The following VWA8 variants were observed in gnomAD, a reference collection of about 807,000 sequenced individuals.
The protein encoded by VWA8 is von Willebrand factor A domain containing 8.
A neutral mutation model predicts 241.5 loss-of-function variants in VWA8; 221 were observed. The observed-to-expected ratio is 0.91, with a 90% confidence interval of 0.82 to 1.02. The LOEUF (loss-of-function observed/expected upper bound fraction) is 1.02, where lower values mean the gene tolerates loss of function less well. Ranked by LOEUF, VWA8 falls within the 50% of genes least tolerant of loss-of-function variation. The pLI is 0.00. For missense variants in VWA8, 2,322 were observed against 2,328.7 expected (o/e 1.00, Z 0.06); for synonymous variants, 852 against 827.1 (o/e 1.03, Z -0.52).
chr13:41,639,806 C>A (rs2044783808), intron 37 of VWA8, among the ~76,000 whole-genome samples: 1 of 151,976 alleles, frequency 6.6e-6, no homozygotes, highest in Admixed American at 6.6e-5. Context: ...CAAAAAACTA[C>A]CTATTGGGTA....
At position 41,691,494 on chromosome 13, in the gene VWA8, T is replaced by C. The variant is rs746987623; in HGVS notation, c.3741-49A>G. ...TGAAAGGAAATGGTGAGGATAATGG[T>C]TGAGTAATCTGGCATAATCATTTCA... is the stretch of plus-strand genomic sequence containing the variant. On this transcript the variant is annotated intron_variant, in intron 31 of 44. Transcript: ENST00000379310. 1.9e-6 allele frequency: 3 copies of C among 1,596,952 alleles called. No individual in the cohort carries two copies. In the South Asian group the frequency reaches 3.4e-5, roughly 18 times the overall value.
At chr13:41,662,827 T>G (rs546313444) in intron 37 of VWA8, among the ~76,000 whole-genome samples, 42 of 152,246 alleles carry the variant, frequency 2.8e-4, no homozygotes, top group African/African-American at 1.0e-3. Flanking sequence ...AGGGAAAGCG[T>G]TCAGTCTCTT....
rs528644105 is a variant in VWA8, at chr13:41,930,917, G to A, written c.242-18749C>T. The stretch of plus-strand genomic sequence containing the variant: ...TGTAATCCCAGCACTTTGAGAGGCC[G>A]AGGCGGGCGGATCACGAGGTCAAGA... On this transcript the variant is annotated intron_variant, in intron 2 of 44. Transcript: ENST00000379310. Among the ~76,000 whole-genome samples, 21 of 152,166 alleles carry A rather than the reference G, an allele frequency of 1.4e-4. 1 individual carries two copies. The highest frequency in any genetic ancestry group is 4.1e-4 in the African/African-American group (17 of 41,532).
intron 14 of VWA8, among the ~76,000 whole-genome samples, chr13:41,819,793 T>G (rs1218537251): frequency 6.6e-6 from 1 of 152,160 alleles, no homozygotes; most frequent in Non-Finnish European, 1.5e-5. Flanking sequence ...CCACTCTATG[T>G]CAATCAAAAA....
At chr13:41,743,377 C>G (rs1331040) in intron 21 of VWA8, among the ~76,000 whole-genome samples, 4,218 of 152,278 alleles carry the variant, frequency 0.028, 102 homozygotes, top group East Asian at 0.11. Context: ...TAGTGAGAGA[C>G]CTTAACTTGG....
chr13:41,676,781 C>T (rs1313175938), intron 35 of VWA8, among the ~76,000 whole-genome samples: 2 of 151,950 alleles, frequency 1.3e-5, no homozygotes, highest in Non-Finnish European at 2.9e-5. Context: ...TATAGGCACC[C>T]GCCACCAAAC....
chr13:41,787,594 T>C lies in VWA8; in HGVS notation c.2064-51A>G, dbSNP rs556818688. ...GGAAATGGCTTAAGTCAAAGCTTTC[T>C]GCGATTCTTAAATACACACACACAC... On this transcript the variant is annotated intron_variant, in intron 17 of 44. Coordinates refer to ENST00000379310, the MANE Select transcript of VWA8 (RefSeq NM_015058.2). 9 of 1,088,378 alleles carry C rather than the reference T, an allele frequency of 8.3e-6. No individual in the cohort carries two copies. In the East Asian group the frequency reaches 2.0e-4, roughly 24 times the overall value. 67.4% of individuals were successfully genotyped at this position (1,088,378 alleles called of 1,614,324 possible).
intron 37 of VWA8, among the ~76,000 whole-genome samples, chr13:41,632,213 T>C (rs763205434): frequency 3.9e-5 from 6 of 152,208 alleles, no homozygotes; most frequent in Non-Finnish European, 8.8e-5. Flanking sequence ...AGCTCAATGA[T>C]CTCTCATGGC....
intron 37 of VWA8, among the ~76,000 whole-genome samples, chr13:41,656,885 T>C (rs2044910093): frequency 6.6e-6 from 1 of 152,048 alleles, no homozygotes; most frequent in African/African-American, 2.4e-5. Flanking sequence ...TGGTCATGCG[T>C]GTTGTTCATC....
chr13:41,695,402 G>A (rs1186488187), intron 29 of VWA8, among the ~76,000 whole-genome samples: 3 of 152,102 alleles, frequency 2.0e-5, no homozygotes, highest in African/African-American at 7.2e-5. Flanking sequence ...AAAAGGCAAG[G>A]AATAGCCGAA....
chr13:41,646,191 C>T (rs1280779110), intron 37 of VWA8, among the ~76,000 whole-genome samples: 1 of 152,126 alleles, frequency 6.6e-6, no homozygotes, highest in Non-Finnish European at 1.5e-5. Context: ...GTCTAGAACT[C>T]CTGACCTCAA....
chr13:41,689,317 A>G, intron 34 of VWA8, 37 bp downstream of exon 34: 4 of 1,587,916 alleles, frequency 2.5e-6, no homozygotes, highest in Non-Finnish European at 3.4e-6. Flanking sequence ...TAAGGGAAAG[A>G]AACATTTATC....
intron 37 of VWA8, among the ~76,000 whole-genome samples, chr13:41,654,086 A>G (rs1024428059): frequency 1.3e-5 from 2 of 152,240 alleles, no homozygotes; most frequent in African/African-American, 4.8e-5. Context: ...AAGGGAGAAG[A>G]GAACACACTC....
At chr13:41,934,789 G>A (rs532694848) in intron 2 of VWA8, among the ~76,000 whole-genome samples, 5 of 152,078 alleles carry the variant, frequency 3.3e-5, no homozygotes, top group Non-Finnish European at 5.9e-5. Context: ...TAAGCTTTTT[G>A]GGGAGATAAA....
intron 20 of VWA8, among the ~76,000 whole-genome samples, chr13:41,768,427 G>A (rs1271144505): frequency 6.6e-6 from 1 of 152,030 alleles, no homozygotes; most frequent in Non-Finnish European, 1.5e-5. Context: ...CCTCTATCAG[G>A]AGAAAAATAG....
chr13:41,729,054 G>A (rs895854913), intron 23 of VWA8, among the ~76,000 whole-genome samples: 4 of 151,938 alleles, frequency 2.6e-5, no homozygotes, highest in African/African-American at 9.7e-5. Context: ...ACAACAAAAA[G>A]GGTGTGTGTG....
intron 34 of VWA8, among the ~76,000 whole-genome samples, chr13:41,687,909 T>C (rs534375812): frequency 6.6e-6 from 1 of 152,266 alleles, no homozygotes; most frequent in South Asian, 2.1e-4. Flanking sequence ...AAACAGTGCC[T>C]TAACTTAGCT....
In VWA8 at chr13:41,607,706, A is replaced by G. The variant is rs114836045; in HGVS notation, c.4878-2430T>C. The stretch of plus-strand genomic sequence containing the variant: ...ATTAAATTAGCGCATTATGGATACG[A>G]CTCTGTAAAACCCAAGAGAGGTCAC... On this transcript the variant is annotated intron_variant, in intron 39 of 44. Transcript: ENST00000379310. Among the ~76,000 whole-genome samples the G allele has an allele frequency of 3.3e-3, 503 of 152,148 alleles. 3 individuals carry two copies. The highest frequency in any genetic ancestry group is 0.012 in the African/African-American group (487 of 41,504).
intron 12 of VWA8, among the ~76,000 whole-genome samples, chr13:41,859,523 C>A (rs1008964890): frequency 6.6e-6 from 1 of 152,022 alleles, no homozygotes; most frequent in African/African-American, 2.4e-5. Context: ...AGTAATTGAT[C>A]AGAAGGAAAA....
Sources: allele counts gnomAD v4.1 joint callset (sites outside exome capture counted in the v4.1 genomes callset), GRCh38; gene constraint gnomAD v4.1.1; transcripts MANE v1.5; gene names NCBI Gene and HGNC (gene_info 2026-07-23, HGNC 2026-07-21).